Variants in DMBT1 observed in about 807,000 individuals in gnomAD.
The protein encoded by DMBT1 is scavenger receptor cysteine-rich domain-containing protein DMBT1.
A neutral mutation model predicts 252.9 loss-of-function variants in DMBT1; 198 were observed. That is an observed-to-expected ratio of 0.78 (90% CI 0.70 to 0.88). The LOEUF is 0.88. Ranked by LOEUF, DMBT1 falls within the 40% of genes least tolerant of loss-of-function variation. The pLI is 0.00. For missense variants in DMBT1, 2,432 were observed against 2,404.7 expected (o/e 1.01, Z -0.24); for synonymous variants, 990 against 942.7 (o/e 1.05, Z -0.92).
At chr10:122,579,457 G>T in intron 9 of DMBT1, 121 bp from the exon 10 acceptor site, 1 of 1,566,032 alleles carries the variant, frequency 6.4e-7, no homozygotes. Flanking sequence ...GTGGTCATAT[G>T]CAAAGGTGAC....
chr10:122,591,564 G>A, intron 19 of DMBT1, 47 bp downstream of exon 19: 1 of 1,528,288 alleles, frequency 6.5e-7, no homozygotes, highest in Non-Finnish European at 9.0e-7. Context: ...TCTACCTCTG[G>A]ACAAATGTTT....
intron 3 of DMBT1, 97 bp downstream of exon 3, chr10:122,570,306 G>A: frequency 9.7e-7 from 1 of 1,032,140 alleles, no homozygotes; most frequent in Non-Finnish European, 1.5e-6. Context: ...CATACTTCTA[G>A]CAACTCTGGC....
At chr10:122,568,744 A>G (rs924458310) in intron 2 of DMBT1, among the ~76,000 whole-genome samples, 2 of 152,164 alleles carry the variant, frequency 1.3e-5, no homozygotes, top group African/African-American at 2.4e-5. Flanking sequence ...TGGCTATTCC[A>G]TGTCAGCCCT....
chr10:122,633,168 A>T, intron 51 of DMBT1, 23 bp from the exon 52 acceptor site: 1 of 1,613,196 alleles, frequency 6.2e-7, no homozygotes, highest in Non-Finnish European at 8.5e-7. Flanking sequence ...GGTCACCGAC[A>T]TTCCCACTTT....
intron 1 of DMBT1, among the ~76,000 whole-genome samples, chr10:122,563,735 G>A (rs1173655676): frequency 6.6e-5 from 10 of 152,188 alleles, no homozygotes; most frequent in Non-Finnish European, 1.2e-4. Context: ...TGTGCAGAAG[G>A]GTCTATTCAA....
Position 122,586,297 on chromosome 10 carries a change from A to T in DMBT1, c.1697A>T (p.Asn566Ile), listed in dbSNP as rs115205066. The T allele has an allele frequency of 1.3e-6, 2 of 1,588,604 alleles. No homozygotes were observed. The highest frequency in any genetic ancestry group is 3.4e-5 in the Admixed American group (2 of 59,518). Residue 566 changes from asparagine to isoleucine, a missense_variant, in exon 16 of 56, where the codon AAT becomes ATT. Coordinates refer to ENST00000338354, the MANE Select transcript of DMBT1 (RefSeq NM_001377530.1). ...IVLDDVRCSG[N>I]ESYLWSCPHN... Reference sequence around the variant, plus strand: ...CTGGATGACGTGCGCTGCTCAGGGAATGAGTCCTACTTGTGGAGCTGCCCC... The same window carrying T: ...CTGGATGACGTGCGCTGCTCAGGGATTGAGTCCTACTTGTGGAGCTGCCCC...
intron 55 of DMBT1, 105 bp from the exon 56 acceptor site, chr10:122,643,017 C>CAGGGG: frequency 2.1e-6 from 3 of 1,451,306 alleles, no homozygotes; most frequent in Non-Finnish European, 1.9e-6. Flanking sequence ...GTGCAGGAGG[C>CAGGGG]AGGGGCAGTG....
At chr10:122,577,766 G>A (rs2097725722) in intron 7 of DMBT1, 45 bp from the exon 8 acceptor site, 1 of 1,611,878 alleles carries the variant, frequency 6.2e-7, no homozygotes, top group African/African-American at 1.3e-5. Flanking sequence ...TCTACTTGGA[G>A]TCACTGAGTG....
At chr10:122,588,464 T>A (rs1002813514) in intron 16 of DMBT1, among the ~76,000 whole-genome samples, 2 of 148,830 alleles carry the variant, frequency 1.3e-5, no homozygotes, top group African/African-American at 4.9e-5. Flanking sequence ...CCTACTCCTA[T>A]TCGACCTCGT....
chr10:122,578,855 G>T (rs998522603), intron 9 of DMBT1, 96 bp downstream of exon 9: 2 of 1,284,334 alleles, frequency 1.6e-6, no homozygotes, highest in Non-Finnish European at 2.2e-6. Flanking sequence ...AAAGAGAGGT[G>T]GGGAAGTGGG....
chr10:122,622,243 T>C (rs1438372397), intron 44 of DMBT1, among the ~76,000 whole-genome samples: 1 of 152,230 alleles, frequency 6.6e-6, no homozygotes, highest in Non-Finnish European at 1.5e-5. Context: ...GTGAAACTCC[T>C]GGGTCTTGCT....
Position 122,630,356 on chromosome 10 carries a change from T to A in DMBT1, c.5891T>A (p.Leu1964His). The change falls in exon 48 of 56, where the codon CTC (leucine) becomes CAC (histidine). Residue 1964 changes from leucine (L) to histidine (H), a missense_variant. Around this residue, in one of 3 missense-constraint regions of DMBT1, gnomAD observed 1,162 missense variants for 1,169.0 expected, o/e 0.99. Coordinates refer to ENST00000338354, the MANE Select transcript of DMBT1 (RefSeq NM_001377530.1). ...TTTGATGGATCATTGAATAGCAGTC[T>A]CCTGCTGGGGAAAATCTGTAATGAT... Reference protein sequence around the residue: ...EIFDGSLNSSLLLGKICNDTR... With the variant: ...EIFDGSLNSSHLLGKICNDTR... 1 of 1,613,970 alleles carries A rather than the reference T, an allele frequency of 6.2e-7. No homozygotes were observed. The highest frequency in any genetic ancestry group is 1.3e-5 in the African/African-American group (1 of 75,042).
intron 54 of DMBT1, among the ~76,000 whole-genome samples, chr10:122,638,903 T>G (rs1476813164): frequency 6.6e-6 from 1 of 152,260 alleles, no homozygotes; most frequent in East Asian, 1.9e-4. Context: ...GACACTGAAC[T>G]AAGTGTGCTA....
Position 122,618,186 on chromosome 10 carries a change from C to G in DMBT1, c.5061C>G (p.Ala1687=). The change falls in exon 41 of 56, where the codon GCC becomes GCG. Residue 1687 remains alanine, a synonymous_variant. Coordinates refer to ENST00000338354, the MANE Select transcript of DMBT1 (RefSeq NM_001377530.1). The stretch of plus-strand genomic sequence containing the variant: ...TGGGCTGTGGCTGGGCCATGTCAGC[C>G]CCAGGAAATGCCCAGTTTGGCCAGG... ...RQLGCGWAMS[A]PGNAQFGQGS... 1.9e-6 allele frequency: 3 copies of G among 1,613,874 alleles called. No homozygotes were observed. The highest frequency in any genetic ancestry group is 2.5e-6 in the Non-Finnish European group (3 of 1,179,846).
At chr10:122,590,807 A>AT in intron 18 of DMBT1, 113 bp downstream of exon 18, 2 of 1,319,856 alleles carry the variant, frequency 1.5e-6, no homozygotes, top group South Asian at 1.4e-5. Flanking sequence ...GGGTCATACT[A>AT]TTTTCCCTGC....
intron 55 of DMBT1, among the ~76,000 whole-genome samples, chr10:122,642,193 A>G (rs1445636533): frequency 6.6e-6 from 1 of 152,094 alleles, no homozygotes; most frequent in South Asian, 2.1e-4. Flanking sequence ...AAACAAAAAC[A>G]AAAAAGAAAA....
chr10:122,579,560 T>A lies in DMBT1; in HGVS notation c.680-18T>A. On this transcript the variant is annotated intron_variant, in intron 9 of 55. Transcript: ENST00000338354. ...CTCATGATAGGGATGGATGAAGGGT[T>A]CTTGTGTTCCCCTGTAGGATCTGAA... 6.2e-7 allele frequency: 1 copy of A among 1,612,722 alleles called. No homozygotes were observed. The highest frequency in any genetic ancestry group is 8.5e-7 in the Non-Finnish European group (1 of 1,179,710).
intron 21 of DMBT1, 105 bp downstream of exon 21, chr10:122,593,703 G>T (rs1209592157): frequency 7.3e-7 from 1 of 1,371,244 alleles, no homozygotes; most frequent in Non-Finnish European, 1.0e-6. Context: ...ATACTGTGGG[G>T]CATATTATTT....
intron 16 of DMBT1, among the ~76,000 whole-genome samples, chr10:122,586,831 C>G (rs1437272029): frequency 1.3e-5 from 2 of 148,176 alleles, no homozygotes; most frequent in African/African-American, 4.9e-5. Context: ...GGATGGGGAG[C>G]TGGCCTGGGC....
Sources: allele counts gnomAD v4.1 joint callset (sites outside exome capture counted in the v4.1 genomes callset), GRCh38; gene constraint gnomAD v4.1.1; regional missense constraint gnomAD v4.1.1; transcripts MANE v1.5; gene names NCBI Gene and HGNC (gene_info 2026-07-23, HGNC 2026-07-21).